PDCD6IP: variants seen among roughly 807,000 people sequenced by gnomAD.
The protein encoded by PDCD6IP is programmed cell death 6 interacting protein, also known as programmed cell death 6-interacting protein.
A neutral mutation model predicts 103.7 loss-of-function variants in PDCD6IP; 43 were observed. That is an observed-to-expected ratio of 0.41 (90% CI 0.32 to 0.53). The LOEUF is 0.53. Ranked by LOEUF, PDCD6IP falls within the 20% of genes least tolerant of loss-of-function variation. The probability of loss-of-function intolerance (pLI) is 0.16; values close to 1 mark genes in which losing one functional copy is unlikely to be tolerated. For synonymous variants in PDCD6IP, 354 were observed against 378.7 expected (o/e 0.93, Z 0.76); for missense variants, 871 against 1,036.7 (o/e 0.84, Z 2.20).
chr3:33,805,720 A>AT (rs112781385), intron 1 of PDCD6IP, among the ~76,000 whole-genome samples: 8,154 of 141,636 alleles, frequency 0.058, 338 homozygotes, highest in Admixed American at 0.12. Flanking sequence ...TACCTGGCCA[A>AT]TTTTTTTTTT....
chr3:33,811,177 GC>G, intron 1 of PDCD6IP: 1 of 287,752 alleles, frequency 3.5e-6, no homozygotes, highest in Non-Finnish European at 7.2e-6. Flanking sequence ...GATCTGCTGT[GC>G]CTGGCCCTTT....
intron 15 of PDCD6IP, among the ~76,000 whole-genome samples, chr3:33,859,355 AAAAAG>A (rs1160250783): frequency 1.3e-5 from 2 of 152,212 alleles, no homozygotes; most frequent in South Asian, 2.1e-4. Context: ...GCCATTAAAA[AAAAAG>A]AAAAGAATAA....
intron 4 of PDCD6IP, among the ~76,000 whole-genome samples, chr3:33,824,824 T>G (rs959384426): frequency 6.6e-6 from 1 of 152,194 alleles, no homozygotes; most frequent in Non-Finnish European, 1.5e-5. Context: ...TGAATTTGTT[T>G]GGGACCAAAG....
rs1698102031 is a variant in PDCD6IP at position 33,867,907 on chromosome 3, T to C, written c.*1382T>C. The stretch of plus-strand genomic sequence containing the variant: ...GTTACTTGTCCCACTGTTGTTTTCA[T>C]TGAGTTTGGATTTATATTTTAAATG... On this transcript the variant is annotated 3_prime_UTR_variant, in exon 18 of 18. Coordinates refer to ENST00000307296, the MANE Select transcript of PDCD6IP (RefSeq NM_013374.6). 6.6e-6 allele frequency: 1 copy of C among 152,228 alleles called. No individual in the cohort carries two copies. The highest frequency in any genetic ancestry group is 1.5e-5 in the Non-Finnish European group (1 of 68,030). The allele number at this position is 152,228 out of a possible 1,614,324, so 9.4% of individuals were successfully genotyped here.
At chr3:33,830,906 G>A (rs1211287421) in intron 7 of PDCD6IP, among the ~76,000 whole-genome samples, 3 of 152,180 alleles carry the variant, frequency 2.0e-5, no homozygotes, top group African/African-American at 4.8e-5. Context: ...TTCTGACGGA[G>A]ATCTTAGGAG....
chr3:33,834,578 A>G lies in PDCD6IP; in HGVS notation c.835-1466A>G, dbSNP rs140956211. On this transcript the variant is annotated intron_variant, in intron 7 of 17. Transcript: ENST00000307296. ...AAGATTTTTATCATGTTAAGGAACT[A>G]TAATTTCTATTTTACGAAGATTTTA... 1.7e-3 allele frequency among the ~76,000 whole-genome samples: 261 copies of G among 152,338 alleles called. 1 individual carries two copies. The highest frequency in any genetic ancestry group is 6.2e-3 in the African/African-American group (257 of 41,582).
intron 1 of PDCD6IP, among the ~76,000 whole-genome samples, chr3:33,803,153 C>T (rs909462570): frequency 4.6e-5 from 7 of 151,882 alleles, no homozygotes; most frequent in Non-Finnish European, 5.9e-5. Flanking sequence ...TGGGTTTTGG[C>T]GGGGAGCAAA....
intron 9 of PDCD6IP, among the ~76,000 whole-genome samples, chr3:33,841,534 G>C (rs1697473757): frequency 6.8e-6 from 1 of 148,050 alleles, no homozygotes; most frequent in Non-Finnish European, 1.5e-5. Flanking sequence ...CGCCTCCCGG[G>C]TTCACGCCAT....
At position 33,869,155 on chromosome 3, in the gene PDCD6IP, T is replaced by C. The variant is rs1477197509; in HGVS notation, c.*2630T>C. The stretch of plus-strand genomic sequence containing the variant: ...AACAGATTATAAAAAATGTTTTCCA[T>C]TTGAACTTTACAGTTTGCAAAAGTG... On this transcript the variant is annotated 3_prime_UTR_variant, in exon 18 of 18. Coordinates refer to ENST00000307296, the MANE Select transcript of PDCD6IP (RefSeq NM_013374.6). 6.6e-6 allele frequency: 1 copy of C among 152,256 alleles called. No homozygotes were observed. Among genetic ancestry groups the C allele is most frequent in the Non-Finnish European group, 1.5e-5 (1 of 68,046 alleles). The allele number at this position is 152,256 out of a possible 1,614,324, so 9.4% of individuals were successfully genotyped here.
At chr3:33,853,262 C>T (rs1697759861) in intron 13 of PDCD6IP, among the ~76,000 whole-genome samples, 1 of 152,092 alleles carries the variant, frequency 6.6e-6, no homozygotes, top group African/African-American at 2.4e-5. Context: ...TTGCATATTA[C>T]TTAGGAGTGC....
intron 7 of PDCD6IP, among the ~76,000 whole-genome samples, chr3:33,831,699 T>C (rs1159883899): frequency 6.6e-6 from 1 of 151,978 alleles, no homozygotes; most frequent in African/African-American, 2.4e-5. Flanking sequence ...TGCCCCATAG[T>C]TAATTTCCAT....
chr3:33,836,563 TAAAC>T (rs1302853802), intron 8 of PDCD6IP, among the ~76,000 whole-genome samples: 2 of 151,860 alleles, frequency 1.3e-5, no homozygotes, highest in African/African-American at 4.8e-5. Flanking sequence ...CCATTAAAAA[TAAAC>T]AAATATGGCT....
At chr3:33,839,851 A>G (rs2125564940) in intron 9 of PDCD6IP, among the ~76,000 whole-genome samples, 1 of 152,318 alleles carries the variant, frequency 6.6e-6, no homozygotes, top group South Asian at 2.1e-4. Flanking sequence ...CCTAATTGCT[A>G]ATGATACTGA....
Position 33,828,870 on chromosome 3 carries a change from G to A in PDCD6IP, c.735G>A (p.Leu245=). The change falls in exon 7 of 18, where the codon TTG becomes TTA. Residue 245 remains leucine (L), a synonymous_variant. Transcript: ENST00000307296. The part of the protein sequence containing the change: ...DTLPKEVFPV[L]AAKHCIMQAN... Reference sequence around the variant, plus strand: ...ATTTCCAGGAGGTGTTCCCTGTCTTGGCTGCAAAGCACTGTATCATGCAGG... The same window carrying A: ...ATTTCCAGGAGGTGTTCCCTGTCTTAGCTGCAAAGCACTGTATCATGCAGG... 6.2e-7 allele frequency: 1 copy of A among 1,612,866 alleles called. No homozygotes were observed. The highest frequency in any genetic ancestry group is 1.3e-5 in the African/African-American group (1 of 74,946).
At chr3:33,836,552 G>T (rs1357747007) in intron 8 of PDCD6IP, among the ~76,000 whole-genome samples, 1 of 152,034 alleles carries the variant, frequency 6.6e-6, no homozygotes, top group Admixed American at 6.6e-5. Flanking sequence ...TTAAGATGCT[G>T]CCATTAAAAA....
chr3:33,812,145 C>T lies in PDCD6IP; in HGVS notation c.264+19C>T. The T allele has an allele frequency of 6.3e-7, 1 of 1,595,746 alleles. No homozygotes were observed. The highest frequency in any genetic ancestry group is 8.5e-7 in the Non-Finnish European group (1 of 1,171,524). On this transcript the variant is annotated intron_variant, in intron 2 of 17. Transcript: ENST00000307296. ...AAATCAGGTAAGTCATTAATTCTGT[C>T]TTAAAATTATATGGTAATAGCACCC...
intron 17 of PDCD6IP, 101 bp downstream of exon 17, chr3:33,865,531 C>A: frequency 1.1e-6 from 1 of 881,414 alleles, no homozygotes; most frequent in South Asian, 1.9e-5. Flanking sequence ...ATGGAGGTGT[C>A]ATGAATGAAT....
chr3:33,826,370 A>G lies in PDCD6IP; in HGVS notation c.617-110A>G. 5.7e-6 allele frequency: 4 copies of G among 707,322 alleles called. No individual in the cohort carries two copies. In the South Asian group the frequency reaches 6.3e-5, roughly 11 times the overall value. The allele number at this position is 707,322 out of a possible 1,614,324, so 43.8% of individuals were successfully genotyped here. A position where few individuals can be genotyped will look rare whatever the true frequency, so the allele number is the denominator to read the frequency against. On this transcript the variant is annotated intron_variant, in intron 5 of 17. Coordinates refer to ENST00000307296, the MANE Select transcript of PDCD6IP (RefSeq NM_013374.6). ...TTGTGCAGAAAATGTGATTTCATCA[A>G]GAAAGATGTTTTCAGATGCGTGTAC... is the stretch of plus-strand genomic sequence containing the variant.
At chr3:33,804,964 G>C (rs904163796) in intron 1 of PDCD6IP, among the ~76,000 whole-genome samples, 1 of 152,202 alleles carries the variant, frequency 6.6e-6, no homozygotes, top group African/African-American at 2.4e-5. Context: ...CCTAAATACA[G>C]ATTGCAGCTG....
Sources: allele counts gnomAD v4.1 joint callset (sites outside exome capture counted in the v4.1 genomes callset), GRCh38; gene constraint gnomAD v4.1.1; transcripts MANE v1.5; gene names NCBI Gene and HGNC (gene_info 2026-07-23, HGNC 2026-07-21).